ATP6V1B1: variants seen among roughly 807,000 people sequenced by gnomAD.
The protein encoded by ATP6V1B1 is V-type proton ATPase subunit B, kidney isoform.
A neutral mutation model predicts 62.1 loss-of-function variants in ATP6V1B1; 41 were observed. The observed-to-expected ratio is 0.66, with a 90% CI of 0.51 to 0.86. The LOEUF (loss-of-function observed/expected upper bound fraction) is 0.86. Among genes scored for constraint, ATP6V1B1 ranks in the 40% least tolerant of loss-of-function variants. ATP6V1B1 has a pLI of 0.00. For synonymous variants in ATP6V1B1, 253 were observed against 273.4 expected, an observed-to-expected ratio of 0.93 and a Z score of 0.74; for missense variants, 651 against 697.5, an observed-to-expected ratio of 0.93 and a Z score of 0.75.
intron 2 of ATP6V1B1, among the ~76,000 whole-genome samples, chr2:70,946,978 C>A (rs1680192336): frequency 6.6e-6 from 1 of 152,198 alleles, no homozygotes; most frequent in Non-Finnish European, 1.5e-5. Flanking sequence ...TTGCCCCTAC[C>A]CCTTTCCCTC....
chr2:70,953,120 C>A (rs1208305479), intron 2 of ATP6V1B1, among the ~76,000 whole-genome samples: 1 of 152,160 alleles, frequency 6.6e-6, no homozygotes, highest in African/African-American at 2.4e-5. Context: ...GCACCCACTA[C>A]CACACCTGGC....
At position 70,965,079 on chromosome 2, in the gene ATP6V1B1, C is replaced by A; in HGVS notation, c.1500C>A (p.Arg500=). Reference sequence around the variant, plus strand: ...CCGTGATCGACGAGTTCTATTCCCGCGAGGGGGCGCTGCAGGACCTCGCGC... The same window carrying A: ...CCGTGATCGACGAGTTCTATTCCCGAGAGGGGGCGCTGCAGGACCTCGCGC... ...PQAVIDEFYS[R]EGALQDLAPD... is the part of the protein sequence containing the mutation. Residue 500 remains arginine (R), a synonymous_variant, in exon 14 of 14, where the codon CGC becomes CGA. Transcript: ENST00000234396. 6.2e-7 allele frequency: 1 copy of A among 1,612,976 alleles called. No individual in the cohort carries two copies. The highest frequency in any genetic ancestry group is 8.5e-7 in the Non-Finnish European group (1 of 1,180,044).
intron 3 of ATP6V1B1, 32 bp downstream of exon 3, chr2:70,958,176 A>C (rs1395947826): frequency 6.2e-7 from 1 of 1,607,406 alleles, no homozygotes; most frequent in Non-Finnish European, 8.5e-7. Flanking sequence ...TTGGCTAGTT[A>C]AATCAATGAA....
chr2:70,964,844 G>C lies in ATP6V1B1; in HGVS notation c.1357G>C (p.Glu453Gln), dbSNP rs939076222. 1.9e-6 allele frequency: 3 copies of C among 1,613,936 alleles called. No individual in the cohort carries two copies. Among genetic ancestry groups the C allele is most frequent in the African/African-American group, 2.7e-5 (2 of 74,906 alleles). Residue 453 changes from glutamate to glutamine, a missense_variant, in exon 13 of 14, where the codon GAG (glutamate) becomes CAG (glutamine). Transcript: ENST00000234396. ...CTACCTGGAATTCCTGCAGAAGTTTGAGAAGAACTTCATCAATCAGGGTAA... is the reference window on the plus strand; with the variant it reads ...CTACCTGGAATTCCTGCAGAAGTTTCAGAAGAACTTCATCAATCAGGGTAA... Reference protein sequence around the residue: ...LLYLEFLQKFEKNFINQGPYE... With the variant: ...LLYLEFLQKFQKNFINQGPYE...
chr2:70,954,842 A>G (rs1384995921), intron 2 of ATP6V1B1, among the ~76,000 whole-genome samples: 3 of 135,156 alleles, frequency 2.2e-5, no homozygotes, highest in Non-Finnish European at 5.3e-5. Context: ...GCGACCTGGG[A>G]AGTGAGGTGA....
intron 2 of ATP6V1B1, among the ~76,000 whole-genome samples, chr2:70,950,618 G>A (rs1289161655): frequency 6.6e-6 from 1 of 151,930 alleles, no homozygotes; most frequent in Non-Finnish European, 1.5e-5. Flanking sequence ...AAAAGGAGGG[G>A]GGGAATGATT....
In ATP6V1B1 at chr2:70,960,874, G is replaced by T. The variant is rs115662543; in HGVS notation, c.586-47G>T. The T allele has an allele frequency of 4.6e-3, 7,114 of 1,537,026 alleles. 236 individuals carry two copies. The African/African-American group carries it at 0.077, about 17-fold the overall frequency. On this transcript the variant is annotated intron_variant, in intron 6 of 13. Coordinates refer to ENST00000234396, the MANE Select transcript of ATP6V1B1 (RefSeq NM_001692.4). ...GCCAGTGGTGCTCAGTGGGACAGGGGTCAGCTCCGACTCTGACGTCCTCCT... is the reference window on the plus strand; with the variant it reads ...GCCAGTGGTGCTCAGTGGGACAGGGTTCAGCTCCGACTCTGACGTCCTCCT...
At chr2:70,961,498 G>A (rs1680586975) in intron 7 of ATP6V1B1, 98 bp from the exon 8 acceptor site, 3 of 1,257,788 alleles carry the variant, frequency 2.4e-6, no homozygotes, top group Non-Finnish European at 3.5e-6. Flanking sequence ...ACTGGTAGCT[G>A]GTCAGTCCAC....
In ATP6V1B1 at chr2:70,964,452, C is replaced by T; in HGVS notation, c.1158C>T (p.Ile386=). The T allele has an allele frequency of 6.2e-7, 1 of 1,614,116 alleles. No individual in the cohort carries two copies. Among genetic ancestry groups the T allele is most frequent in the Non-Finnish European group, 8.5e-7 (1 of 1,180,026 alleles). The change falls in exon 12 of 14, where the codon ATC becomes ATT. Residue 386 remains isoleucine, a synonymous_variant. Transcript: ENST00000234396. ...TTCTCCCTCAGATCTACCCCCCCAT[C>T]AACGTGCTCCCTTCCCTGTCGCGGC... The part of the protein sequence containing the change: ...QLHNRQIYPP[I]NVLPSLSRLM...
chr2:70,962,830 C>G lies in ATP6V1B1; in HGVS notation c.839C>G (p.Ala280Gly). ...GCGCTGACCACTGCTGAATTCCTTGCCTACCAGTGTGAGAAGCATGTGCTG... is the reference window on the plus strand; with the variant it reads ...GCGCTGACCACTGCTGAATTCCTTGGCTACCAGTGTGAGAAGCATGTGCTG... ...RLALTTAEFL[A>G]YQCEKHVLVI... Residue 280 changes from alanine to glycine, a missense_variant, in exon 9 of 14, where the codon GCC becomes GGC. By Grantham distance (60) the Ala-to-Gly change is moderately conservative. Coordinates refer to ENST00000234396, the MANE Select transcript of ATP6V1B1 (RefSeq NM_001692.4). 6.2e-7 allele frequency: 1 copy of G among 1,614,178 alleles called. No homozygotes were observed. Among genetic ancestry groups the G allele is most frequent in the African/African-American group, 1.3e-5 (1 of 75,046 alleles).
chr2:70,958,364 G>C lies in ATP6V1B1; in HGVS notation c.305G>C (p.Arg102Thr). ...GAAGGGACATCAGGGATCGATGCCA[G>C]GAAGACCACTTGCGAATTTACAGGG... ...VFEGTSGIDARKTTCEFTGDI... is the reference protein window; with the variant it reads ...VFEGTSGIDATKTTCEFTGDI... The change falls in exon 4 of 14, where the codon AGG (arginine) becomes ACG (threonine). Residue 102 changes from arginine (R) to threonine (T), a missense_variant. Physicochemically the swap from Arg to Thr is moderately conservative, Grantham distance 71 (BLOSUM62 -1). Transcript: ENST00000234396. The C allele has an allele frequency of 1.2e-6, 2 of 1,614,152 alleles. No individual in the cohort carries two copies. Among genetic ancestry groups the C allele is most frequent in the Non-Finnish European group, 1.7e-6 (2 of 1,180,026 alleles).
At chr2:70,945,701 G>GAGATAT (rs1553417203) in intron 2 of ATP6V1B1, among the ~76,000 whole-genome samples, 30 of 83,004 alleles carry the variant, frequency 3.6e-4, no homozygotes, top group African/African-American at 1.3e-3. Context: ...TATTTGAAGA[G>GAGATAT]ATATATATAT....
intron 11 of ATP6V1B1, chr2:70,964,114 ATTTTTTTTTT>A (rs66905923): frequency 1.6e-5 from 2 of 127,350 alleles, no homozygotes; most frequent in Non-Finnish European, 2.6e-5. Flanking sequence ...CTTGGCAGGT[ATTTTTTTTTT>A]TTTTTTTTTT....
intron 2 of ATP6V1B1, among the ~76,000 whole-genome samples, chr2:70,947,031 C>T (rs143485631): frequency 4.6e-5 from 7 of 152,330 alleles, no homozygotes; most frequent in Admixed American, 1.3e-4. Flanking sequence ...TCTACAGCGC[C>T]ACCTTCTGCC....
intron 6 of ATP6V1B1, 132 bp downstream of exon 6, chr2:70,960,210 C>A: frequency 7.3e-7 from 1 of 1,368,418 alleles, no homozygotes; most frequent in South Asian, 1.3e-5. Flanking sequence ...AGCATCGAGA[C>A]TGGCAGCTGT....
chr2:70,940,345 CACCT>C, intron 1 of ATP6V1B1: 42 of 902,682 alleles, frequency 4.7e-5, no homozygotes, highest in South Asian at 1.0e-4. Flanking sequence ...CCCACACCCC[CACCT>C]CCCTATCCAG....
Position 70,959,819 on chromosome 2 carries a change from G to A in ATP6V1B1, c.446-120G>A, listed in dbSNP as rs1057453316. 4.0e-6 allele frequency: 6 copies of A among 1,495,020 alleles called. No homozygotes were observed. In the South Asian group the frequency reaches 4.6e-5, roughly 12 times the overall value. The allele number at this position is 1,495,020 out of a possible 1,614,324, so 92.6% of individuals were successfully genotyped here. A position where few individuals can be genotyped will look rare whatever the true frequency, so the allele number is the denominator to read the frequency against. ...ACATCAGGCAGCACGGCCAGAGCAC[G>A]TTTCTATCATCACAGAAAGTTCCGT... is the stretch of plus-strand genomic sequence containing the variant. On this transcript the variant is annotated intron_variant, in intron 5 of 13. Coordinates refer to ENST00000234396, the MANE Select transcript of ATP6V1B1 (RefSeq NM_001692.4). This position sits in a 1 kb window ranked among gnomAD's most constrained non-coding sequence, Gnocchi z 4.2.
rs1553420329 is a variant in ATP6V1B1, at chr2:70,962,796, C to G, written c.805C>G (p.Pro269Ala). ...CTCCAGGATCGAGCGGATCATCACC[C>G]CGCGCCTGGCGCTGACCACTGCTGA... ...NDPTIERIIT[P>A]RLALTTAEFL... is the part of the protein sequence containing the mutation. The change falls in exon 9 of 14, where the codon CCG (proline) becomes GCG (alanine). Residue 269 changes from proline (P) to alanine (A), a missense_variant. Physicochemically the swap from Pro to Ala is conservative, Grantham distance 27 (BLOSUM62 -1). Coordinates refer to ENST00000234396, the MANE Select transcript of ATP6V1B1 (RefSeq NM_001692.4). 1 of 1,614,074 alleles carries G rather than the reference C, an allele frequency of 6.2e-7. No individual in the cohort carries two copies.
chr2:70,947,885 A>T (rs1553417644), intron 2 of ATP6V1B1, among the ~76,000 whole-genome samples: 1 of 152,152 alleles, frequency 6.6e-6, no homozygotes, highest in African/African-American at 2.4e-5. Flanking sequence ...TGCGGCTGGG[A>T]AATAGGGCCC....
Sources: allele counts gnomAD v4.1 joint callset (sites outside exome capture counted in the v4.1 genomes callset), GRCh38; gene constraint gnomAD v4.1.1; non-coding constraint Gnocchi (gnomAD v3.1); transcripts MANE v1.5; gene names NCBI Gene and HGNC (gene_info 2026-07-23, HGNC 2026-07-21).